CRIM1: variants seen among roughly 807,000 people sequenced by gnomAD.
CRIM1 encodes cysteine rich transmembrane BMP regulator 1, also known as cysteine-rich motor neuron 1 protein.
CRIM1 carries 32 observed loss-of-function variants against 116.4 expected under a neutral mutation model. The observed-to-expected ratio is 0.27, with a 90% confidence interval of 0.21 to 0.37. CRIM1 has a LOEUF of 0.37. Ranked by LOEUF, CRIM1 falls within the 10% of genes least tolerant of loss-of-function variation. The pLI, the probability that CRIM1 is intolerant of heterozygous loss-of-function variation, is 1.00. For missense variants in CRIM1, 1,331 were observed against 1,354.8 expected, an observed-to-expected ratio of 0.98 and a Z score of 0.28; for synonymous variants, 590 against 509.2, an observed-to-expected ratio of 1.16 and a Z score of -2.13.
chr2:36,507,133 T>C (rs1413783668), intron 8 of CRIM1, among the ~76,000 whole-genome samples: 1 of 152,214 alleles, frequency 6.6e-6, no homozygotes, highest in Non-Finnish European at 1.5e-5. Flanking sequence ...GTGCTGGGAT[T>C]ACAGGTTCCA....
chr2:36,543,782 G>C lies in CRIM1; in HGVS notation c.2624-594G>C, dbSNP rs544080542. Among the ~76,000 whole-genome samples, 6 of 151,610 alleles carry C rather than the reference G, an allele frequency of 4.0e-5. No individual in the cohort carries two copies. In the East Asian group the frequency reaches 1.2e-3, roughly 29 times the overall value. ...GTATAATACCTATCTGATCAAACTG[G>C]ATAATGTAAATATATTTACTGAAGA... On this transcript the variant is annotated intron_variant, in intron 14 of 16. Coordinates refer to ENST00000280527, the MANE Select transcript of CRIM1 (RefSeq NM_016441.3).
chr2:36,449,281 G>C (rs1572756298), intron 4 of CRIM1, among the ~76,000 whole-genome samples: 1 of 152,112 alleles, frequency 6.6e-6, no homozygotes, highest in African/African-American at 2.4e-5. Flanking sequence ...AAGGGTCCTA[G>C]CCGGTGCACA....
intron 1 of CRIM1, among the ~76,000 whole-genome samples, chr2:36,373,005 A>AT (rs1318913314): frequency 6.8e-6 from 1 of 146,520 alleles, no homozygotes. Flanking sequence ...ATGGCTTCAT[A>AT]TAAAAAAAGC....
At chr2:36,413,377 C>G (rs968098593) in intron 2 of CRIM1, among the ~76,000 whole-genome samples, 1 of 152,084 alleles carries the variant, frequency 6.6e-6, no homozygotes, top group Admixed American at 6.6e-5. Flanking sequence ...GGGTTTGTTT[C>G]TTTATACTTT....
chr2:36,452,695 T>C (rs1193033750), intron 4 of CRIM1, among the ~76,000 whole-genome samples: 2 of 151,054 alleles, frequency 1.3e-5, no homozygotes, highest in Non-Finnish European at 3.0e-5. Context: ...GCTTTTTTTA[T>C]CTCACCTTAA....
chr2:36,423,697 A>T (rs922433795), intron 2 of CRIM1, among the ~76,000 whole-genome samples: 13 of 152,204 alleles, frequency 8.5e-5, no homozygotes, highest in South Asian at 6.2e-4. Flanking sequence ...TAGACTTTAC[A>T]TTGTTGACTG....
chr2:36,407,642 G>A (rs1376953436), intron 2 of CRIM1, among the ~76,000 whole-genome samples: 1 of 149,608 alleles, frequency 6.7e-6, no homozygotes, highest in Non-Finnish European at 1.5e-5. Context: ...AATTATACCT[G>A]CATTTTAACT....
In CRIM1 at chr2:36,479,636, C is replaced by T. The variant is rs146435632; in HGVS notation, c.1314C>T (p.Cys438=). Reference sequence around the variant, plus strand: ...AACGCCACTGCGTTGCGACCGTCTGCGGACAGACCTGCACAAACCCTGTGA... The same window carrying T: ...AACGCCACTGCGTTGCGACCGTCTGTGGACAGACCTGCACAAACCCTGTGA... ...NGERHCVATV[C]GQTCTNPVKV... The change falls in exon 7 of 17, where the codon TGC becomes TGT. Residue 438 remains cysteine, a synonymous_variant. Coordinates refer to ENST00000280527, the MANE Select transcript of CRIM1 (RefSeq NM_016441.3). The T allele has an allele frequency of 4.3e-4, 694 of 1,614,220 alleles. 3 individuals are homozygous for T. Among genetic ancestry groups the T allele is most frequent in the African/African-American group, 2.9e-3 (217 of 75,058 alleles).
At chr2:36,465,777 C>T (rs1677957379) in intron 5 of CRIM1, among the ~76,000 whole-genome samples, 1 of 152,184 alleles carries the variant, frequency 6.6e-6, no homozygotes, top group South Asian at 2.1e-4. Context: ...CTTGGTTTCC[C>T]TGGGCCTCAG....
rs1414078355 is a variant in CRIM1 at position 36,547,112 on chromosome 2, T to A, written c.2875T>A (p.Phe959Ile). The change falls in exon 16 of 17, where the codon TTC becomes ATC. Residue 959 changes from phenylalanine to isoleucine, a missense_variant. Phe to Ile is a conservative substitution (Grantham distance 21). Coordinates refer to ENST00000280527, the MANE Select transcript of CRIM1 (RefSeq NM_016441.3). Reference protein sequence around the residue: ...ICLSIIIAFLFINQKKQWIPL... With the variant: ...ICLSIIIAFLIINQKKQWIPL... ...CCTCTCTATTATAATAGCATTCCTATTCATCAATCAGAAGAAACAGTGGAT... is the reference window on the plus strand; with the variant it reads ...CCTCTCTATTATAATAGCATTCCTAATCATCAATCAGAAGAAACAGTGGAT... 2 of 1,613,052 alleles carry A rather than the reference T, an allele frequency of 1.2e-6. No homozygotes were observed. The highest frequency in any genetic ancestry group is 2.2e-5 in the South Asian group (2 of 91,044).
chr2:36,503,774 C>T (rs1175030910), intron 8 of CRIM1, among the ~76,000 whole-genome samples: 1 of 152,148 alleles, frequency 6.6e-6, no homozygotes, highest in Non-Finnish European at 1.5e-5. Flanking sequence ...TTCACCCTTA[C>T]ATTATTTTTC....
chr2:36,498,819 A>G (rs1680783744), intron 7 of CRIM1, among the ~76,000 whole-genome samples: 1 of 152,248 alleles, frequency 6.6e-6, no homozygotes, highest in African/African-American at 2.4e-5. Flanking sequence ...GGACTGAGAT[A>G]ATTGATAGTT....
intron 13 of CRIM1, among the ~76,000 whole-genome samples, chr2:36,524,435 CT>C (rs201644194): frequency 2.0e-5 from 3 of 149,760 alleles, no homozygotes; most frequent in Admixed American, 6.6e-5. Flanking sequence ...TATATCAAAA[CT>C]TTTTTTTTTA....
chr2:36,462,994 C>G (rs1003082591), intron 4 of CRIM1, among the ~76,000 whole-genome samples: 1 of 152,202 alleles, frequency 6.6e-6, no homozygotes, highest in East Asian at 1.9e-4. Context: ...AAGCTCTACT[C>G]ACACAAAACA....
chr2:36,550,546 AAATT>A lies in CRIM1; in HGVS notation c.*1850_*1853del, dbSNP rs1177204026. On this transcript the variant is annotated 3_prime_UTR_variant, in exon 17 of 17. Transcript: ENST00000280527. ...GACAGAGGTTGCTGAACTTTAAAAA[AAATT>A]AATTTATTATTATAATGACCTAATT... 1.3e-5 allele frequency: 2 copies of A among 152,548 alleles called. No individual in the cohort carries two copies. The highest frequency in any genetic ancestry group is 2.1e-4 in the South Asian group (1 of 4,834). 9.4% of individuals were successfully genotyped at this position (152,548 alleles called of 1,614,324 possible). A position where few individuals can be genotyped will look rare whatever the true frequency, so the allele number is the denominator to read the frequency against.
chr2:36,411,439 G>T (rs1310706141), intron 2 of CRIM1, among the ~76,000 whole-genome samples: 5 of 152,026 alleles, frequency 3.3e-5, no homozygotes, highest in Non-Finnish European at 5.9e-5. Flanking sequence ...TAAATAGTCT[G>T]TGTTCATATG....
intron 13 of CRIM1, among the ~76,000 whole-genome samples, chr2:36,524,861 A>G (rs1260053273): frequency 1.3e-5 from 2 of 151,984 alleles, no homozygotes; most frequent in African/African-American, 4.8e-5. Context: ...TCCTGCATCT[A>G]GATTATACAT....
intron 4 of CRIM1, among the ~76,000 whole-genome samples, chr2:36,446,590 T>C (rs1043988028): frequency 6.6e-6 from 1 of 152,214 alleles, no homozygotes; most frequent in African/African-American, 2.4e-5. Context: ...TGTTTAAACA[T>C]CATTCTTGTG....
intron 8 of CRIM1, among the ~76,000 whole-genome samples, chr2:36,503,832 T>C (rs1000451062): frequency 2.0e-5 from 3 of 152,190 alleles, no homozygotes; most frequent in African/African-American, 4.8e-5. Flanking sequence ...TAAGCATTTA[T>C]ACCTGTTTTC....
Sources: gnomAD v4.1 joint callset for allele counts (sites outside exome capture counted in the v4.1 genomes callset) on GRCh38, gnomAD v4.1.1 for gene constraint, MANE v1.5 for transcripts, NCBI Gene and HGNC (gene_info 2026-07-23, HGNC 2026-07-21) for gene names.